MICAL3: variants seen among roughly 807,000 people sequenced by gnomAD.
MICAL3 encodes [F-actin]-monooxygenase MICAL3.
A neutral mutation model predicts 207.4 loss-of-function variants in MICAL3; 62 were observed. The observed-to-expected ratio is 0.30, with a 90% CI of 0.24 to 0.37. The LOEUF (loss-of-function observed/expected upper bound fraction) is 0.37. Ranked by LOEUF, MICAL3 falls within the 10% of genes least tolerant of loss-of-function variation. The pLI is 1.00. For synonymous variants in MICAL3, 1,077 were observed against 1,069.3 expected (o/e 1.01, Z -0.14); for missense variants, 2,368 against 2,635.6 (o/e 0.90, Z 2.22).
intron 1 of MICAL3, among the ~76,000 whole-genome samples, chr22:17,985,951 G>C (rs1920984781): frequency 6.6e-6 from 1 of 152,138 alleles, no homozygotes; most frequent in South Asian, 2.1e-4. Flanking sequence ...CTGTCGCCCA[G>C]GGTGGAGTGC....
chr22:17,980,839 GC>G, intron 1 of MICAL3: 1 of 513,402 alleles, frequency 1.9e-6, no homozygotes. Flanking sequence ...GGCTGTGCTG[GC>G]CCGTCACCCT....
intron 27 of MICAL3, chr22:17,814,083 G>A (rs558293990): frequency 6.6e-6 from 1 of 152,322 alleles, no homozygotes; most frequent in East Asian, 1.9e-4. Flanking sequence ...TGTGAGGCGG[G>A]AGGAGGCGTC....
In MICAL3 at chr22:17,796,225, T is replaced by C. The variant is rs143489396; in HGVS notation, c.5651-4924A>G. Among the ~76,000 whole-genome samples the C allele has an allele frequency of 2.7e-3, 404 of 152,342 alleles. 1 individual carries two copies. The highest frequency in any genetic ancestry group is 8.9e-3 in the African/African-American group (369 of 41,578). ...CACTCGGGGGCACATCTGCTCCATC[T>C]TTCCCTCTGAAGCAGCACTTCCTTT... On this transcript the variant is annotated intron_variant, in intron 29 of 31. Transcript: ENST00000441493. This position sits in a 1 kb window ranked among gnomAD's most constrained non-coding sequence, Gnocchi z 4.4.
chr22:17,845,552 G>T (rs1465445903), intron 19 of MICAL3, among the ~76,000 whole-genome samples: 1 of 152,034 alleles, frequency 6.6e-6, no homozygotes, highest in Non-Finnish European at 1.5e-5. Context: ...CAAGAAAGGT[G>T]TTCTGGAGGC....
chr22:17,907,194 G>A (rs1162363097), intron 1 of MICAL3, among the ~76,000 whole-genome samples: 1 of 150,226 alleles, frequency 6.7e-6, no homozygotes, highest in Non-Finnish European at 1.5e-5. Context: ...AGAGAAAGAG[G>A]ATCTAAGTCA....
At chr22:17,987,096 C>T (rs544954969) in intron 1 of MICAL3, among the ~76,000 whole-genome samples, 1 of 152,060 alleles carries the variant, frequency 6.6e-6, no homozygotes, top group East Asian at 1.9e-4. Context: ...AAAAAATTGT[C>T]CAGGCATAGG....
Position 17,822,927 on chromosome 22 carries a change from C to T in MICAL3, c.3307+20G>A, listed in dbSNP as rs549562270. The T allele has an allele frequency of 1.2e-5, 18 of 1,505,814 alleles. No individual in the cohort carries two copies. The Admixed American group carries it at 1.4e-4, about 11-fold the overall frequency. 93.3% of individuals were successfully genotyped at this position (1,505,814 alleles called of 1,614,324 possible). ...CTTCCCTGAGCTCCCACCACAGGGG[C>T]GGGGAGGGCGGACCCCTACCATCAT... On this transcript the variant is annotated intron_variant, in intron 23 of 31. Transcript: ENST00000441493.
At chr22:17,952,291 C>T (rs1047700559) in intron 1 of MICAL3, among the ~76,000 whole-genome samples, 1 of 152,196 alleles carries the variant, frequency 6.6e-6, no homozygotes, top group African/African-American at 2.4e-5. Flanking sequence ...CATCACCCCA[C>T]TCTCCTCGCC....
At chr22:17,801,634 C>G (rs1284063896) in intron 29 of MICAL3, among the ~76,000 whole-genome samples, 1 of 151,480 alleles carries the variant, frequency 6.6e-6, no homozygotes, top group Non-Finnish European at 1.5e-5. Context: ...TGGCTCAGGC[C>G]TGTAATCCCA....
chr22:17,956,811 A>G (rs1344461698), intron 1 of MICAL3, among the ~76,000 whole-genome samples: 1 of 152,224 alleles, frequency 6.6e-6, no homozygotes, highest in African/African-American at 2.4e-5. Context: ...CGTGAGAGAC[A>G]CTACAGAGAC....
chr22:17,985,840 G>A (rs1435457357), intron 1 of MICAL3, among the ~76,000 whole-genome samples: 1 of 152,072 alleles, frequency 6.6e-6, no homozygotes, highest in Non-Finnish European at 1.5e-5. Flanking sequence ...CCAGCCCCAG[G>A]CCCTGCAGAA....
At chr22:17,914,763 T>A (rs1361987082) in intron 1 of MICAL3, among the ~76,000 whole-genome samples, 1 of 152,222 alleles carries the variant, frequency 6.6e-6, no homozygotes, top group Non-Finnish European at 1.5e-5. Flanking sequence ...CAGTAATTCT[T>A]CTTACTGGCT....
intron 12 of MICAL3, among the ~76,000 whole-genome samples, chr22:17,890,850 C>T (rs1184968941): frequency 2.0e-5 from 3 of 152,158 alleles, no homozygotes; most frequent in Middle Eastern, 3.2e-3. Context: ...TGTGCTGGTC[C>T]CCGCAGCTGA....
In MICAL3 at chr22:17,843,718, C is replaced by T. The variant is rs1924318397; in HGVS notation, c.2606-1701G>A. 2.0e-5 allele frequency among the ~76,000 whole-genome samples: 3 copies of T among 152,220 alleles called. No homozygotes were observed. In the South Asian group the frequency reaches 6.2e-4, roughly 31 times the overall value. Reference sequence around the variant, plus strand: ...ATGAGTGAAGCAGCAAGTCTGGTGTCCAGTAATATTTCCCCACCACTGTGT... The same window carrying T: ...ATGAGTGAAGCAGCAAGTCTGGTGTTCAGTAATATTTCCCCACCACTGTGT... On this transcript the variant is annotated intron_variant, in intron 19 of 31. Transcript: ENST00000441493.
At chr22:18,000,772 A>G (rs1922879123) in intron 1 of MICAL3, among the ~76,000 whole-genome samples, 1 of 152,182 alleles carries the variant, frequency 6.6e-6, no homozygotes, top group African/African-American at 2.4e-5. Context: ...ACAAACGGAA[A>G]GGCGCGCCGG....
intron 19 of MICAL3, among the ~76,000 whole-genome samples, chr22:17,844,254 C>G (rs1924398801): frequency 6.6e-6 from 1 of 152,168 alleles, no homozygotes; most frequent in Non-Finnish European, 1.5e-5. Context: ...CTGCAACATT[C>G]TAAGCTCTAG....
intron 28 of MICAL3, among the ~76,000 whole-genome samples, chr22:17,810,445 G>A (rs1289904534): frequency 6.6e-6 from 1 of 152,184 alleles, no homozygotes; most frequent in Non-Finnish European, 1.5e-5. Flanking sequence ...TGATCCGCCT[G>A]CCTCAGCCTC....
intron 1 of MICAL3, among the ~76,000 whole-genome samples, chr22:17,961,608 A>G (rs566703010): frequency 2.5e-4 from 38 of 152,264 alleles, no homozygotes; most frequent in African/African-American, 8.4e-4. Context: ...AGCTTTGCAG[A>G]GCTCCTGGAG....
intron 1 of MICAL3, among the ~76,000 whole-genome samples, chr22:17,946,419 C>T (rs890130731): frequency 1.3e-5 from 2 of 152,212 alleles, no homozygotes; most frequent in Non-Finnish European, 2.9e-5. Flanking sequence ...TGCACACACA[C>T]GGCCCCGGAG....
Sources: allele counts gnomAD v4.1 joint callset (sites outside exome capture counted in the v4.1 genomes callset), GRCh38; gene constraint gnomAD v4.1.1; non-coding constraint Gnocchi (gnomAD v3.1); transcripts MANE v1.5; gene names NCBI Gene and HGNC (gene_info 2026-07-23, HGNC 2026-07-21).